Variants in CEP350 observed in about 807,000 individuals in gnomAD.
CEP350 encodes centrosomal protein 350, also known as centrosome-associated protein 350.
CEP350 carries 126 observed loss-of-function variants against 331.8 expected under a neutral mutation model. The observed-to-expected ratio is 0.38, with a 90% CI of 0.33 to 0.44. The LOEUF (loss-of-function observed/expected upper bound fraction) is 0.44. Among genes scored for constraint, CEP350 ranks in the 20% least tolerant of loss-of-function variants. CEP350 has a pLI of 1.00. For synonymous variants in CEP350, 1,200 were observed against 1,259.5 expected (o/e 0.95, Z 1.00); for missense variants, 3,406 against 3,634.6 (o/e 0.94, Z 1.62).
chr1:180,062,566 G>A (rs1384246009), intron 26 of CEP350, among the ~76,000 whole-genome samples, 200 bp downstream of exon 26: 2 of 152,118 alleles, frequency 1.3e-5, no homozygotes, highest in Admixed American at 6.6e-5. Context: ...TTATAAAGGA[G>A]CAAAATTTTT....
chr1:179,979,390 GTTT>G (rs34642448), intron 1 of CEP350, among the ~76,000 whole-genome samples: 1 of 129,592 alleles, frequency 7.7e-6, no homozygotes, highest in Non-Finnish European at 1.6e-5. Context: ...TATTTGGGGT[GTTT>G]TTTTTTTTTT....
chr1:180,100,637 C>CA lies in CEP350; in HGVS notation c.9189+1654dup, dbSNP rs1660752890. Among the ~76,000 whole-genome samples, 5 of 152,264 alleles carry CA rather than the reference C, an allele frequency of 3.3e-5. No homozygotes were observed. In the South Asian group the frequency reaches 1.0e-3, roughly 32 times the overall value. ...CAGCCATTAATATATCGTTTACACA[C>CA]AAGTGTGTAAGTTATGCATAAAAAT... On this transcript the variant is annotated intron_variant, in intron 37 of 37. Transcript: ENST00000367607.
At chr1:179,985,941 CTG>C (rs930333035) in intron 1 of CEP350, among the ~76,000 whole-genome samples, 9 of 152,296 alleles carry the variant, frequency 5.9e-5, no homozygotes, top group East Asian at 1.9e-4. Flanking sequence ...AACTGCCACA[CTG>C]TTTTCCATAG....
chr1:180,019,187 C>T (rs1051720180), intron 11 of CEP350, among the ~76,000 whole-genome samples: 3 of 152,150 alleles, frequency 2.0e-5, no homozygotes, highest in African/African-American at 4.8e-5. Context: ...TAATAGTTGA[C>T]ATCATCCTGT....
In CEP350 at chr1:180,109,722, G is replaced by A. The variant is rs548999183; in HGVS notation, c.9190-1275G>A. On this transcript the variant is annotated intron_variant, in intron 37 of 37. Transcript: ENST00000367607. ...GCAATCTTGGCCCACTGCAACCTCCGCCCCCTGGGTTCAAGCGATTCTCCT... is the reference window on the plus strand; with the variant it reads ...GCAATCTTGGCCCACTGCAACCTCCACCCCCTGGGTTCAAGCGATTCTCCT... Among the ~76,000 whole-genome samples the A allele has an allele frequency of 1.6e-4, 24 of 152,170 alleles. No individual in the cohort carries two copies. The East Asian group carries it at 2.1e-3, about 13-fold the overall frequency.
intron 6 of CEP350, 89 bp downstream of exon 6, chr1:179,997,264 A>G: frequency 2.1e-6 from 3 of 1,426,090 alleles, no homozygotes; most frequent in Non-Finnish European, 2.8e-6. Context: ...GATCACCTTT[A>G]GAACAGGATG....
At chr1:180,001,427 T>G (rs1653863218) in intron 6 of CEP350, among the ~76,000 whole-genome samples, 1 of 151,934 alleles carries the variant, frequency 6.6e-6, no homozygotes, top group Non-Finnish European at 1.5e-5. Context: ...CCTGGCTAAT[T>G]TTTGTATTTT....
chr1:180,001,543 G>A (rs1653870535), intron 6 of CEP350, among the ~76,000 whole-genome samples: 1 of 152,176 alleles, frequency 6.6e-6, no homozygotes, highest in African/African-American at 2.4e-5. Context: ...CCAGGTATAA[G>A]CCACCGTGCC....
intron 15 of CEP350, 100 bp downstream of exon 15, chr1:180,031,594 CTG>C (rs1278567777): frequency 2.1e-6 from 1 of 478,894 alleles, no homozygotes; most frequent in Non-Finnish European, 3.4e-6. Flanking sequence ...GTCCCCTTAA[CTG>C]TGCATGTCTG....
intron 11 of CEP350, among the ~76,000 whole-genome samples, chr1:180,019,544 T>A (rs1000180132): frequency 1.3e-5 from 2 of 152,204 alleles, no homozygotes; most frequent in African/African-American, 2.4e-5. Context: ...CATTTCTCTT[T>A]TATGTAATGT....
chr1:179,984,598 A>AC (rs1389784595), intron 1 of CEP350, among the ~76,000 whole-genome samples: 1 of 152,188 alleles, frequency 6.6e-6, no homozygotes, highest in African/African-American at 2.4e-5. Flanking sequence ...ACCACATGTG[A>AC]TATTAGTTTA....
chr1:180,035,498 T>C (rs557238807), intron 16 of CEP350, among the ~76,000 whole-genome samples: 1 of 152,332 alleles, frequency 6.6e-6, no homozygotes, highest in South Asian at 2.1e-4. Flanking sequence ...GACTTAAAGT[T>C]GAAGCTAATG....
At chr1:180,098,778 C>A in intron 36 of CEP350, 85 bp from the exon 37 acceptor site, 3 of 1,057,992 alleles carry the variant, frequency 2.8e-6, no homozygotes, top group South Asian at 1.8e-5. Context: ...ATATTCTTAT[C>A]GTGAATCTGT....
chr1:180,082,217 TTAAG>T (rs1227734550), intron 30 of CEP350, among the ~76,000 whole-genome samples: 2 of 152,216 alleles, frequency 1.3e-5, no homozygotes, highest in African/African-American at 4.8e-5. Context: ...TGACACTTAT[TTAAG>T]TAAGAATAAA....
At chr1:179,971,450 A>G (rs886087012) in intron 1 of CEP350, among the ~76,000 whole-genome samples, 1 of 152,110 alleles carries the variant, frequency 6.6e-6, no homozygotes, top group African/African-American at 2.4e-5. Context: ...CAATCTCCTG[A>G]GTAGTGGGGA....
intron 8 of CEP350, among the ~76,000 whole-genome samples, chr1:180,007,386 G>A (rs994223095): frequency 4.6e-5 from 7 of 151,900 alleles, no homozygotes; most frequent in South Asian, 4.1e-4. Flanking sequence ...TTTCATGTTT[G>A]TTGGCCGCAT....
intron 3 of CEP350, among the ~76,000 whole-genome samples, chr1:179,989,251 G>A (rs1652873573): frequency 6.6e-6 from 1 of 151,828 alleles, no homozygotes; most frequent in Admixed American, 6.6e-5. Context: ...TCAGGAGTTC[G>A]AGATCAACCT....
intron 14 of CEP350, among the ~76,000 whole-genome samples, chr1:180,025,413 C>T (rs9425849): frequency 0.57 from 86,075 of 151,884 alleles, 26,291 homozygotes; most frequent in East Asian, 0.72. Context: ...GTAGCTGACT[C>T]ATTGGCATTC....
rs540084958 is a variant in CEP350 at position 180,055,802 on chromosome 1, T to C, written c.5262+1300T>C. ...ACCTCGCGATCCGCCATCCTCAGCC[T>C]CCCAAATGCTGGGATTACAGGCATG... On this transcript the variant is annotated intron_variant, in intron 25 of 37. Coordinates refer to ENST00000367607, the MANE Select transcript of CEP350 (RefSeq NM_014810.5). 2.6e-5 allele frequency among the ~76,000 whole-genome samples: 4 copies of C among 152,188 alleles called. No individual in the cohort carries two copies. The East Asian group carries it at 7.7e-4, about 29-fold the overall frequency.
Sources: allele counts gnomAD v4.1 joint callset (sites outside exome capture counted in the v4.1 genomes callset), GRCh38; gene constraint gnomAD v4.1.1; transcripts MANE v1.5; gene names NCBI Gene and HGNC (gene_info 2026-07-23, HGNC 2026-07-21).